Variants in TRIP11 observed in about 807,000 individuals in gnomAD.
TRIP11 encodes the protein thyroid hormone receptor interactor 11.
In TRIP11, 148 loss-of-function variants were observed where a neutral mutation model predicts 223.1. That is an observed-to-expected ratio of 0.66 (90% CI 0.58 to 0.76). TRIP11 has a LOEUF of 0.76. TRIP11 is among the 30% of genes least tolerant of loss of function. The pLI is 0.00. For synonymous variants in TRIP11, 762 were observed against 772.6 expected (o/e 0.99, Z 0.23); for missense variants, 2,043 against 2,222.0 (o/e 0.92, Z 1.62).
chr14:91,979,023 G>C (rs973478693), intron 16 of TRIP11, among the ~76,000 whole-genome samples: 1 of 152,056 alleles, frequency 6.6e-6, no homozygotes. Flanking sequence ...TTGCGAGGCC[G>C]AGGTAAGCAT....
In TRIP11 at chr14:92,003,926, T is replaced by A. The variant is rs548160101; in HGVS notation, c.4050A>T (p.Glu1350Asp). ...ESSELLQQEL[E>D]ELRKSLQEKD... ...TTTCCTGTAGTGATTTTCTTAGCTC[T>A]TCTAACTCTTGCTGAAGCAATTCAG... Residue 1350 changes from glutamate to aspartate, a missense_variant, in exon 11 of 21, where the codon GAA becomes GAT. Glu to Asp is a conservative substitution (Grantham distance 45, BLOSUM62 2). Coordinates refer to ENST00000267622, the MANE Select transcript of TRIP11 (RefSeq NM_004239.4). 1 of 1,614,192 alleles carries A rather than the reference T, an allele frequency of 6.2e-7. No individual in the cohort carries two copies.
At chr14:92,035,609 G>A (rs377338952) in intron 1 of TRIP11, among the ~76,000 whole-genome samples, 4 of 145,338 alleles carry the variant, frequency 2.8e-5, no homozygotes, top group East Asian at 2.0e-4. Context: ...ACAGAGTCTC[G>A]CTCTGTCGCC....
chr14:92,020,683 GT>G (rs980823030), intron 4 of TRIP11, among the ~76,000 whole-genome samples: 11 of 151,394 alleles, frequency 7.3e-5, no homozygotes, highest in African/African-American at 2.7e-4. Context: ...AAAAGGATCT[GT>G]TGCTTTTTTT....
intron 17 of TRIP11, 63 bp downstream of exon 17, chr14:91,976,045 T>C: frequency 6.9e-7 from 1 of 1,442,662 alleles, no homozygotes; most frequent in Non-Finnish European, 9.6e-7. Context: ...CATTTAGAAG[T>C]TTTTTTTTAA....
intron 18 of TRIP11, 136 bp from the exon 19 acceptor site, chr14:91,974,879 T>TA (rs1375986009): frequency 5.2e-6 from 4 of 767,560 alleles, no homozygotes; most frequent in Non-Finnish European, 6.5e-6. Flanking sequence ...TTCCTACTGA[T>TA]AGAGTCTACA....
At chr14:92,017,207 T>G (rs1363408913) in intron 5 of TRIP11, among the ~76,000 whole-genome samples, 3 of 152,088 alleles carry the variant, frequency 2.0e-5, no homozygotes, top group Non-Finnish European at 4.4e-5. Flanking sequence ...ACAGAGATTT[T>G]TATATACTTT....
intron 15 of TRIP11, 57 bp from the exon 16 acceptor site, chr14:91,988,440 A>C: frequency 6.9e-7 from 1 of 1,456,466 alleles, no homozygotes; most frequent in East Asian, 2.3e-5. Flanking sequence ...ACAAACTATA[A>C]GGCTGAGAGA....
intron 1 of TRIP11, among the ~76,000 whole-genome samples, chr14:92,035,263 G>C (rs1214015405): frequency 5.3e-5 from 8 of 151,932 alleles, no homozygotes; most frequent in African/African-American, 9.7e-5. Flanking sequence ...AGAAGCTGCA[G>C]TGAGCCAAGA....
intron 16 of TRIP11, among the ~76,000 whole-genome samples, chr14:91,985,937 A>G (rs2056599510): frequency 6.6e-6 from 1 of 152,258 alleles, no homozygotes; most frequent in South Asian, 2.1e-4. Context: ...ATTTAGAGAT[A>G]TAAAAGTGAT....
intron 10 of TRIP11, among the ~76,000 whole-genome samples, chr14:92,007,031 AT>A (rs57448229): frequency 0.18 from 23,319 of 129,566 alleles, 2,307 homozygotes; most frequent in African/African-American, 0.32. Context: ...GGTAAATAGT[AT>A]TTTTTTTTTT....
Position 91,974,725 on chromosome 14 carries a change from C to T in TRIP11, c.5476G>A (p.Gly1826Ser). Residue 1826 changes from glycine (G) to serine (S), a missense_variant, in exon 19 of 21, where the codon GGC becomes AGC. Gly to Ser is a moderately conservative substitution (Grantham distance 56). Coordinates refer to ENST00000267622, the MANE Select transcript of TRIP11 (RefSeq NM_004239.4). ...CCAGTCATCCACCTGGTAACACCGCCCTGATCGTCATGAAACAACTGAAAG... is the reference window on the plus strand; with the variant it reads ...CCAGTCATCCACCTGGTAACACCGCTCTGATCGTCATGAAACAACTGAAAG... ...EMEQLFHDDQ[G>S]GVTRWMTGWL... 6.2e-7 allele frequency: 1 copy of T among 1,612,826 alleles called. No individual in the cohort carries two copies. Among genetic ancestry groups the T allele is most frequent in the Non-Finnish European group, 8.5e-7 (1 of 1,179,476 alleles).
chr14:92,005,005 A>C lies in TRIP11; in HGVS notation c.2971T>G (p.Ser991Ala). 6.2e-7 allele frequency: 1 copy of C among 1,613,856 alleles called. No homozygotes were observed. Among genetic ancestry groups the C allele is most frequent in the Non-Finnish European group, 8.5e-7 (1 of 1,180,002 alleles). The change falls in exon 11 of 21, where the codon TCT becomes GCT. Residue 991 changes from serine (S) to alanine (A), a missense_variant. Ser to Ala is a moderately conservative substitution (Grantham distance 99). Transcript: ENST00000267622. ...ACTTTTGTTTCTTGAAAAATATCAG[A>C]GTTATCTGTTTGAATGTCCTGTCTT... ...EERQDIQTDN[S>A]DIFQETKVQS...
chr14:92,039,753 C>T lies in TRIP11; in HGVS notation c.-68G>A. On this transcript the variant is annotated 5_prime_UTR_variant, in exon 1 of 21. Coordinates refer to ENST00000267622, the MANE Select transcript of TRIP11 (RefSeq NM_004239.4). Reference sequence around the variant, plus strand: ...AAAACGTTTAGCGCCGCCGGGCGATCCGACCAAATATCCTTGAACGCCTGC... The same window carrying T: ...AAAACGTTTAGCGCCGCCGGGCGATTCGACCAAATATCCTTGAACGCCTGC... 1 of 1,562,428 alleles carries T rather than the reference C, an allele frequency of 6.4e-7. No homozygotes were observed.
At chr14:92,002,714 T>C (rs2056842316) in intron 11 of TRIP11, among the ~76,000 whole-genome samples, 1 of 152,044 alleles carries the variant, frequency 6.6e-6, no homozygotes, top group Non-Finnish European at 1.5e-5. Context: ...GTAGCTAGGA[T>C]TACAGGCACC....
At chr14:92,002,573 T>G (rs2056839990) in intron 11 of TRIP11, among the ~76,000 whole-genome samples, 2 of 151,958 alleles carry the variant, frequency 1.3e-5, no homozygotes, top group Admixed American at 6.6e-5. Context: ...TTCTTTTTTT[T>G]TTTTTCTTTT....
chr14:92,026,999 G>GCCCA, intron 2 of TRIP11: 1 of 716,120 alleles, frequency 1.4e-6, no homozygotes, highest in Non-Finnish European at 2.4e-6. Context: ...AGGCCCGCCC[G>GCCCA]CCCACCGTGG....
At chr14:91,997,905 T>C (rs1238388367) in intron 13 of TRIP11, among the ~76,000 whole-genome samples, 1 of 152,060 alleles carries the variant, frequency 6.6e-6, no homozygotes, top group East Asian at 1.9e-4. Flanking sequence ...TAAGAGAAAA[T>C]AAGGGCTTGA....
intron 1 of TRIP11, 127 bp from the exon 2 acceptor site, chr14:92,033,380 AG>A: frequency 2.8e-6 from 2 of 726,192 alleles, no homozygotes; most frequent in Non-Finnish European, 4.7e-6. Context: ...AGCATTCAGA[AG>A]AAACAAATCG....
In TRIP11 at chr14:92,004,734, G is replaced by A; in HGVS notation, c.3242C>T (p.Thr1081Ile). The change falls in exon 11 of 21, where the codon ACT (threonine) becomes ATT (isoleucine). Residue 1081 changes from threonine (T) to isoleucine (I), a missense_variant. Coordinates refer to ENST00000267622, the MANE Select transcript of TRIP11 (RefSeq NM_004239.4). ...LHARISSTSH[T>I]QDVVYLQQQL... ...CTGTTGAAGGTAAACAACATCTTGAGTATGGGAAGTTGAAGAAATTCTAGC... is the reference window on the plus strand; with the variant it reads ...CTGTTGAAGGTAAACAACATCTTGAATATGGGAAGTTGAAGAAATTCTAGC... 6.2e-7 allele frequency: 1 copy of A among 1,614,144 alleles called. No homozygotes were observed. Among genetic ancestry groups the A allele is most frequent in the Admixed American group, 1.7e-5 (1 of 60,032 alleles).
Sources: gnomAD v4.1 joint callset for allele counts (sites outside exome capture counted in the v4.1 genomes callset) on GRCh38, gnomAD v4.1.1 for gene constraint, MANE v1.5 for transcripts, NCBI Gene and HGNC (gene_info 2026-07-23, HGNC 2026-07-21) for gene names.